CNTN4: variants seen among roughly 807,000 people sequenced by gnomAD.
The protein encoded by CNTN4 is contactin 4.
CNTN4 carries 77 observed loss-of-function variants against 122.5 expected under a neutral mutation model. The ratio of observed to expected loss-of-function variants is 0.63; its 90% CI spans 0.52 to 0.76. The LOEUF (loss-of-function observed/expected upper bound fraction) is 0.76, where lower values mean the gene tolerates loss of function less well. CNTN4 is among the 30% of genes least tolerant of loss of function. The pLI is 0.00. For missense variants in CNTN4, 1,256 were observed against 1,259.1 expected (o/e 1.00, Z 0.04); for synonymous variants, 512 against 447.0 (o/e 1.15, Z -1.83).
intron 3 of CNTN4, among the ~76,000 whole-genome samples, chr3:2,374,179 A>C (rs1186268559): frequency 6.6e-6 from 1 of 152,112 alleles, no homozygotes; most frequent in Non-Finnish European, 1.5e-5. Context: ...ATGGACATTT[A>C]TTTACCATTG....
chr3:2,687,107 T>C (rs960354256), intron 4 of CNTN4, among the ~76,000 whole-genome samples: 1 of 152,214 alleles, frequency 6.6e-6, no homozygotes, highest in Non-Finnish European at 1.5e-5. Flanking sequence ...AGCCTAGTAA[T>C]GTTTGTCCAC....
At chr3:2,673,191 C>T (rs939871329) in intron 4 of CNTN4, among the ~76,000 whole-genome samples, 11 of 152,090 alleles carry the variant, frequency 7.2e-5, no homozygotes, top group African/African-American at 2.7e-4. Flanking sequence ...AACTGGAAAA[C>T]AATGAGAAAT....
chr3:2,337,249 C>T (rs1171535030), intron 2 of CNTN4, among the ~76,000 whole-genome samples: 3 of 152,084 alleles, frequency 2.0e-5, no homozygotes, highest in African/African-American at 7.2e-5. Context: ...GGCCAGGATT[C>T]CCTCTGGATG....
chr3:2,622,570 T>C (rs2082031509), intron 4 of CNTN4, among the ~76,000 whole-genome samples: 1 of 152,080 alleles, frequency 6.6e-6, no homozygotes, highest in South Asian at 2.1e-4. Flanking sequence ...GCCACCACGC[T>C]CAGCTGGACA....
intron 2 of CNTN4, among the ~76,000 whole-genome samples, chr3:2,289,452 G>GAT (rs1270391042): frequency 6.6e-6 from 1 of 152,200 alleles, no homozygotes; most frequent in African/African-American, 2.4e-5. Context: ...GGATTAAATG[G>GAT]ATAGTATATG....
intron 6 of CNTN4, among the ~76,000 whole-genome samples, chr3:2,790,827 T>A (rs1391176585): frequency 1.3e-5 from 2 of 152,228 alleles, no homozygotes; most frequent in African/African-American, 2.4e-5. Context: ...TCTTATTTTT[T>A]ATGCAAATCT....
At chr3:2,269,745 G>A (rs1473404175) in intron 2 of CNTN4, among the ~76,000 whole-genome samples, 1 of 151,900 alleles carries the variant, frequency 6.6e-6, no homozygotes, top group East Asian at 1.9e-4. Flanking sequence ...GAGACCTGAT[G>A]GATTACAGAG....
intron 2 of CNTN4, among the ~76,000 whole-genome samples, chr3:2,169,777 T>C (rs934732538): frequency 2.6e-5 from 4 of 152,160 alleles, no homozygotes; most frequent in Non-Finnish European, 5.9e-5. Flanking sequence ...AAACTGTTTC[T>C]GTTTTAAGTT....
chr3:2,638,525 C>T (rs969400754), intron 4 of CNTN4, among the ~76,000 whole-genome samples: 1 of 151,928 alleles, frequency 6.6e-6, no homozygotes, highest in African/African-American at 2.4e-5. Context: ...CACATTCAGA[C>T]ATGTCATTAG....
chr3:3,054,168 T>C (rs1483192957), intron 24 of CNTN4, among the ~76,000 whole-genome samples, 193 bp downstream of exon 24: 1 of 152,230 alleles, frequency 6.6e-6, no homozygotes, highest in East Asian at 1.9e-4. Flanking sequence ...CCGTGTTGAC[T>C]GATCTACTCA....
intron 14 of CNTN4, among the ~76,000 whole-genome samples, chr3:3,024,606 T>C (rs1368576072): frequency 1.3e-5 from 2 of 152,134 alleles, no homozygotes; most frequent in Non-Finnish European, 1.5e-5. Flanking sequence ...AATCTACTTA[T>C]CATGATCTTT....
intron 14 of CNTN4, among the ~76,000 whole-genome samples, chr3:3,000,277 T>A (rs1166999151): frequency 6.6e-6 from 1 of 151,982 alleles, no homozygotes; most frequent in South Asian, 2.1e-4. Context: ...TGGAAGAGGA[T>A]TGCTTTTAAG....
At chr3:2,964,473 TC>T (rs1692099869) in intron 13 of CNTN4, among the ~76,000 whole-genome samples, 1 of 152,182 alleles carries the variant, frequency 6.6e-6, no homozygotes, top group Admixed American at 6.6e-5. Flanking sequence ...AATTCCAGTC[TC>T]CTAATGTGTA....
chr3:2,383,631 CT>C (rs1210157618), intron 3 of CNTN4, among the ~76,000 whole-genome samples: 3 of 151,128 alleles, frequency 2.0e-5, no homozygotes, highest in Non-Finnish European at 2.9e-5. Flanking sequence ...CTCTCTCCCC[CT>C]CTCCCTCTCC....
intron 4 of CNTN4, among the ~76,000 whole-genome samples, chr3:2,580,786 C>G (rs1440335071): frequency 6.6e-6 from 1 of 152,166 alleles, no homozygotes; most frequent in Non-Finnish European, 1.5e-5. Context: ...GATACAGCAC[C>G]TCAGTTTTGT....
intron 3 of CNTN4, among the ~76,000 whole-genome samples, chr3:2,383,182 C>G (rs1010854659): frequency 6.6e-6 from 1 of 152,008 alleles, no homozygotes; most frequent in African/African-American, 2.4e-5. Flanking sequence ...TGTAGTATTT[C>G]CCAGACTTAT....
chr3:2,601,776 A>G (rs1344070437), intron 4 of CNTN4, among the ~76,000 whole-genome samples: 1 of 152,188 alleles, frequency 6.6e-6, no homozygotes, highest in African/African-American at 2.4e-5. Context: ...AAAGCCTGGC[A>G]GAGACACAAC....
chr3:2,104,680 T>G (rs2032286426), intron 2 of CNTN4, among the ~76,000 whole-genome samples: 1 of 152,168 alleles, frequency 6.6e-6, no homozygotes, highest in Non-Finnish European at 1.5e-5. Flanking sequence ...CCTCAGTCAC[T>G]TCGACATCCT....
chr3:2,526,853 C>T (rs755702096), intron 3 of CNTN4, among the ~76,000 whole-genome samples: 1 of 152,092 alleles, frequency 6.6e-6, no homozygotes, highest in African/African-American at 2.4e-5. Flanking sequence ...TACAAGTTTA[C>T]TGGAGCTGCT....
Sources: allele counts gnomAD v4.1 joint callset (sites outside exome capture counted in the v4.1 genomes callset), GRCh38; gene constraint gnomAD v4.1.1; transcripts MANE v1.5; gene names NCBI Gene and HGNC (gene_info 2026-07-23, HGNC 2026-07-21).